SLC30A8: variants seen among roughly 807,000 people sequenced by gnomAD.
The protein encoded by SLC30A8 is solute carrier family 30 member 8.
SLC30A8 carries 27 observed loss-of-function variants against 36.9 expected under a neutral mutation model. That is an observed-to-expected ratio of 0.73 (90% CI 0.54 to 1.01). The LOEUF (loss-of-function observed/expected upper bound fraction) is 1.01. Ranked by LOEUF, SLC30A8 falls within the 50% of genes least tolerant of loss-of-function variation. The pLI is 0.00. For synonymous variants in SLC30A8, 164 were observed against 172.4 expected, an observed-to-expected ratio of 0.95 and a Z score of 0.38; for missense variants, 439 against 452.0, an observed-to-expected ratio of 0.97 and a Z score of 0.26.
chr8:116,950,756 G>A (rs1168859172), upstream of SLC30A8, among the ~76,000 whole-genome samples: 1 of 152,040 alleles, frequency 6.6e-6, no homozygotes, highest in Non-Finnish European at 1.5e-5. Flanking sequence ...TTTTAAGGTG[G>A]GATTGTCAGG....
chr8:117,108,398 T>C (rs1029209440), intron 2 of SLC30A8, among the ~76,000 whole-genome samples: 1 of 152,208 alleles, frequency 6.6e-6, no homozygotes, highest in Non-Finnish European at 1.5e-5. Context: ...ATTCAGACTT[T>C]TCTAATTTTA....
intron 1 of SLC30A8, among the ~76,000 whole-genome samples, chr8:117,007,512 A>G (rs1394547147): frequency 6.6e-6 from 1 of 152,252 alleles, no homozygotes; most frequent in Non-Finnish European, 1.5e-5. Context: ...GTATTCCTTC[A>G]GCCAAACAAA....
chr8:116,991,718 A>G (rs1374809501), intron 1 of SLC30A8, among the ~76,000 whole-genome samples: 1 of 152,224 alleles, frequency 6.6e-6, no homozygotes, highest in Non-Finnish European at 1.5e-5. Context: ...ATAGATAAGT[A>G]AATTCAGATC....
chr8:117,082,967 G>T (rs750198549), intron 2 of SLC30A8, among the ~76,000 whole-genome samples: 2 of 152,194 alleles, frequency 1.3e-5, no homozygotes, highest in Non-Finnish European at 2.9e-5. Context: ...TGGATGCCAA[G>T]TGCAAAACAG....
At position 117,149,976 on chromosome 8, in the gene SLC30A8, G is replaced by C. The variant is rs73702971; in HGVS notation, c.271+2823G>C. On this transcript the variant is annotated intron_variant, in intron 2 of 7. Transcript: ENST00000456015. ...CACGCCAGTGAACCTCATGTGCACA[G>C]AATGTGGGAGGAAACCCTAGTACTC... Among the ~76,000 whole-genome samples, 609 of 152,296 alleles carry C rather than the reference G, an allele frequency of 4.0e-3. 3 individuals are homozygous for C. The highest frequency in any genetic ancestry group is 0.014 in the African/African-American group (579 of 41,558).
intron 1 of SLC30A8, among the ~76,000 whole-genome samples, chr8:116,989,653 T>A (rs867044060): frequency 1.3e-5 from 2 of 152,324 alleles, no homozygotes; most frequent in East Asian, 3.9e-4. Flanking sequence ...AGAAAAATGA[T>A]GGTGAATGTG....
intron 1 of SLC30A8, among the ~76,000 whole-genome samples, chr8:116,981,682 TC>T (rs1815268417): frequency 6.6e-6 from 1 of 152,190 alleles, no homozygotes; most frequent in Non-Finnish European, 1.5e-5. Context: ...ACTTTCTGTT[TC>T]TATATTAGCT....
intron 2 of SLC30A8, among the ~76,000 whole-genome samples, chr8:117,061,911 C>G (rs917569250): frequency 2.0e-5 from 3 of 152,190 alleles, no homozygotes; most frequent in Non-Finnish European, 2.9e-5. Context: ...CCAGAAAGAA[C>G]AGCTGAATAT....
At chr8:116,964,936 TTTTG>T (rs768537710) in intron 1 of SLC30A8, among the ~76,000 whole-genome samples, 4 of 152,144 alleles carry the variant, frequency 2.6e-5, no homozygotes, top group Non-Finnish European at 4.4e-5. Flanking sequence ...AGGTAGTGCT[TTTTG>T]TTTGTTTGTT....
At chr8:117,102,842 T>G (rs1035843339) in intron 2 of SLC30A8, among the ~76,000 whole-genome samples, 3 of 152,088 alleles carry the variant, frequency 2.0e-5, no homozygotes, top group African/African-American at 7.2e-5. Flanking sequence ...TGATTACAGA[T>G]TCAAAGGCCT....
chr8:117,126,078 T>C (rs1210342961), intron 2 of SLC30A8, among the ~76,000 whole-genome samples: 1 of 151,994 alleles, frequency 6.6e-6, no homozygotes, highest in Non-Finnish European at 1.5e-5. Context: ...CAGTTAGCAA[T>C]GCAATTTCAA....
intron 1 of SLC30A8, among the ~76,000 whole-genome samples, chr8:117,141,223 G>A (rs1821637418): frequency 6.6e-6 from 1 of 152,048 alleles, no homozygotes; most frequent in Admixed American, 6.6e-5. Context: ...AATATCACAG[G>A]AAAATAAAAC....
At chr8:117,002,203 A>G (rs985766585) in intron 1 of SLC30A8, among the ~76,000 whole-genome samples, 4 of 152,220 alleles carry the variant, frequency 2.6e-5, no homozygotes, top group Non-Finnish European at 5.9e-5. Flanking sequence ...CAATTGAGAA[A>G]GTTTAGCTTT....
chr8:117,001,308 G>A (rs1458537095), intron 1 of SLC30A8, among the ~76,000 whole-genome samples: 2 of 151,632 alleles, frequency 1.3e-5, no homozygotes, highest in East Asian at 3.9e-4. Flanking sequence ...AATACAAGGG[G>A]CATCTTTTAT....
At chr8:116,961,158 G>A (rs1413354666) in intron 1 of SLC30A8, among the ~76,000 whole-genome samples, 3 of 152,178 alleles carry the variant, frequency 2.0e-5, no homozygotes, top group East Asian at 1.9e-4. Context: ...GGCCAGGCGC[G>A]GTGGCTCACG....
At chr8:117,113,065 C>T (rs1409090452) in intron 2 of SLC30A8, among the ~76,000 whole-genome samples, 1 of 152,120 alleles carries the variant, frequency 6.6e-6, no homozygotes, top group Non-Finnish European at 1.5e-5. Flanking sequence ...TAGTCACTGC[C>T]TTCTATAATC....
At chr8:117,000,039 G>A (rs1393376995) in intron 1 of SLC30A8, among the ~76,000 whole-genome samples, 4 of 152,174 alleles carry the variant, frequency 2.6e-5, no homozygotes, top group East Asian at 3.9e-4. Flanking sequence ...CTTTGAGGAC[G>A]TGCTTCCACT....
chr8:116,998,597 A>G lies in SLC30A8; in HGVS notation c.-265-40622A>G, dbSNP rs113904677. Among the ~76,000 whole-genome samples, 803 of 152,270 alleles carry G rather than the reference A, an allele frequency of 5.3e-3. 6 individuals carry two copies. Among genetic ancestry groups the G allele is most frequent in the African/African-American group, 0.018 (757 of 41,552 alleles). ...TCAGAATGTGATCTTATATGGGAAT[A>G]AGGTCTTTGTAGATTTGCATATGTA... On this transcript the variant is annotated intron_variant, in intron 1 of 10. Transcript: ENST00000427715.
upstream of SLC30A8, among the ~76,000 whole-genome samples, chr8:117,132,708 G>A (rs930582546): frequency 1.3e-5 from 2 of 152,008 alleles, no homozygotes; most frequent in Non-Finnish European, 2.9e-5. Flanking sequence ...GTTTGTCAGG[G>A]AGGATGAGAG....
Sources: allele counts gnomAD v4.1 joint callset (sites outside exome capture counted in the v4.1 genomes callset), GRCh38; gene constraint gnomAD v4.1.1; transcripts MANE v1.5; gene names NCBI Gene and HGNC (gene_info 2026-07-23, HGNC 2026-07-21).